DHX34: variants seen among roughly 807,000 people sequenced by gnomAD.
The protein encoded by DHX34 is DExH-box helicase 34.
DHX34 carries 96 observed loss-of-function variants against 111.1 expected under a neutral mutation model. The observed-to-expected ratio is 0.86, with a 90% CI of 0.73 to 1.02. The LOEUF (loss-of-function observed/expected upper bound fraction) is 1.02. DHX34 is among the 50% of genes least tolerant of loss of function. DHX34 has a pLI of 0.00. For synonymous variants in DHX34, 688 were observed against 670.4 expected, an observed-to-expected ratio of 1.03 and a Z score of -0.41; for missense variants, 1,560 against 1,579.9, an observed-to-expected ratio of 0.99 and a Z score of 0.21.
rs187504350 is a variant in DHX34 at position 47,377,189 on chromosome 19, C to G, written c.2689C>G (p.Arg897Gly). The G allele has an allele frequency of 6.2e-7, 1 of 1,613,580 alleles. No individual in the cohort carries two copies. Among genetic ancestry groups the G allele is most frequent in the East Asian group, 2.2e-5 (1 of 44,844 alleles). ...CAAGCCGTACCTGGTGAACTGCGTC[C>G]GCATCCCTGCCCTCCAGGTGGGCCT... is the stretch of plus-strand genomic sequence containing the variant. ...TNKPYLVNCV[R>G]IPALQSLLLF... The change falls in exon 13 of 17, where the codon CGC becomes GGC. Residue 897 changes from arginine (R) to glycine (G), a missense_variant. Coordinates refer to ENST00000328771, the MANE Select transcript of DHX34 (RefSeq NM_014681.6).
At chr19:47,357,844 A>G in intron 3 of DHX34, 22 bp from the exon 4 acceptor site, 1 of 1,604,034 alleles carries the variant, frequency 6.2e-7, no homozygotes, top group Non-Finnish European at 8.5e-7. Flanking sequence ...GTGTGCTTCT[A>G]CCTGGGGCTG....
intron 5 of DHX34, among the ~76,000 whole-genome samples, chr19:47,361,710 C>T (rs1194096388): frequency 6.6e-6 from 1 of 151,416 alleles, no homozygotes; most frequent in Non-Finnish European, 1.5e-5. Context: ...ACTCAGGAGG[C>T]AGAGTGAGCC....
Position 47,353,817 on chromosome 19 carries a change from A to G in DHX34, c.705+82A>G. On this transcript the variant is annotated intron_variant, in intron 2 of 16. Coordinates refer to ENST00000328771, the MANE Select transcript of DHX34 (RefSeq NM_014681.6). This position sits in a 1 kb window ranked among gnomAD's most constrained non-coding sequence, Gnocchi z 4.6. ...TGCTTGTCCATATGGCAGTATCAATAAAAATGAAGCACTTACCCTTGGACC... is the reference window on the plus strand; with the variant it reads ...TGCTTGTCCATATGGCAGTATCAATGAAAATGAAGCACTTACCCTTGGACC... 1.5e-6 allele frequency: 2 copies of G among 1,295,242 alleles called. No homozygotes were observed. Among genetic ancestry groups the G allele is most frequent in the South Asian group, 1.5e-5 (1 of 64,850 alleles). The allele number at this position is 1,295,242 out of a possible 1,614,324, so 80.2% of individuals were successfully genotyped here.
intron 7 of DHX34, among the ~76,000 whole-genome samples, chr19:47,370,691 T>G (rs1969937960): frequency 6.6e-6 from 1 of 152,080 alleles, no homozygotes; most frequent in South Asian, 2.1e-4. Flanking sequence ...TATTTATTTA[T>G]TTAGAGATGG....
chr19:47,376,925 G>C, intron 12 of DHX34, 175 bp from the exon 13 acceptor site: 1 of 1,536,596 alleles, frequency 6.5e-7, no homozygotes, highest in Non-Finnish European at 8.7e-7. Context: ...GCATGGCTGC[G>C]TGCTGGGAGT....
At position 47,379,401 on chromosome 19, in the gene DHX34, C is replaced by T. The variant is rs114973868; in HGVS notation, c.2707-309C>T. On this transcript the variant is annotated intron_variant, in intron 13 of 16. Coordinates refer to ENST00000328771, the MANE Select transcript of DHX34 (RefSeq NM_014681.6). ...GCTCAGGGTCTGGGCTCTCCCTGCA[C>T]GTCGTGTGTGTCTGAGTGCCTGCTG... Among the ~76,000 whole-genome samples, 473 of 152,284 alleles carry T rather than the reference C, an allele frequency of 3.1e-3. 4 individuals are homozygous for T. Among genetic ancestry groups the T allele is most frequent in the African/African-American group, 0.011 (450 of 41,556 alleles).
intron 7 of DHX34, among the ~76,000 whole-genome samples, chr19:47,368,679 T>C (rs1190823989): frequency 1.3e-5 from 2 of 149,774 alleles, no homozygotes; most frequent in South Asian, 2.1e-4. Flanking sequence ...CACATATATA[T>C]ACATACACAC....
At chr19:47,368,476 T>A (rs893901365) in intron 7 of DHX34, among the ~76,000 whole-genome samples, 1 of 149,922 alleles carries the variant, frequency 6.7e-6, no homozygotes, top group Non-Finnish European at 1.5e-5. Context: ...CCGGCTAATT[T>A]TGTATTTTTA....
chr19:47,360,601 A>G lies in DHX34; in HGVS notation c.1375+531A>G, dbSNP rs142702203. Among the ~76,000 whole-genome samples, 1,192 of 151,544 alleles carry G rather than the reference A, an allele frequency of 7.9e-3. 23 individuals carry two copies. Among genetic ancestry groups the G allele is most frequent in the African/African-American group, 0.027 (1,121 of 41,254 alleles). ...CCCGTCAGAGAGGCCCATACTGTCC[A>G]CTCTGTCTAAGAGATATCCCCTCCT... is the stretch of plus-strand genomic sequence containing the variant. On this transcript the variant is annotated intron_variant, in intron 5 of 16. Coordinates refer to ENST00000328771, the MANE Select transcript of DHX34 (RefSeq NM_014681.6).
At chr19:47,360,171 G>C in intron 5 of DHX34, 101 bp downstream of exon 5, 1 of 1,120,104 alleles carries the variant, frequency 8.9e-7, no homozygotes, top group Non-Finnish European at 1.3e-6. Context: ...CTTGGATTGG[G>C]AAGTACAGTT....
rs1291186088 is a variant in DHX34, at chr19:47,358,127, C to G, written c.1272+7C>G. The G allele has an allele frequency of 6.3e-7, 1 of 1,599,198 alleles. No individual in the cohort carries two copies. Among genetic ancestry groups the G allele is most frequent in the East Asian group, 2.3e-5 (1 of 44,440 alleles). ...TGTGGCCGACCAGGACAAGGTATCA[C>G]AGGAAGCCCGAGTGGGGCAGGCGGG... On this transcript the variant is annotated splice_region_variant and intron_variant, in intron 4 of 16. Transcript: ENST00000328771.
chr19:47,360,817 A>G (rs961645076), intron 5 of DHX34, among the ~76,000 whole-genome samples: 12 of 151,928 alleles, frequency 7.9e-5, no homozygotes, highest in Middle Eastern at 3.2e-3. Flanking sequence ...GATTACAGAC[A>G]TGCATCACCA....
chr19:47,368,780 C>A (rs554792104), intron 7 of DHX34, among the ~76,000 whole-genome samples: 2 of 151,976 alleles, frequency 1.3e-5, no homozygotes, highest in African/African-American at 4.8e-5. Context: ...GTGGTGCAAT[C>A]CCAGCTCATT....
chr19:47,352,605 G>A (rs1334158311), intron 1 of DHX34, 149 bp from the exon 2 acceptor site: 1 of 170,244 alleles, frequency 5.9e-6, no homozygotes, highest in South Asian at 1.3e-4. Flanking sequence ...AGTCCAGGAG[G>A]TCGAGGCTGT....
At chr19:47,375,303 C>T (rs1410399618) in intron 9 of DHX34, 163 bp from the exon 10 acceptor site, 1 of 985,310 alleles carries the variant, frequency 1.0e-6, no homozygotes, top group Non-Finnish European at 1.2e-6. Context: ...GCGAGGACAG[C>T]TCTCTCTCTG....
intron 3 of DHX34, among the ~76,000 whole-genome samples, chr19:47,356,944 A>G (rs530497879): frequency 1.3e-5 from 2 of 152,274 alleles, no homozygotes; most frequent in Admixed American, 6.5e-5. Context: ...CTGTCTCAAA[A>G]AGAATGAGGC....
rs1208338995 is a variant in DHX34 at position 47,355,241 on chromosome 19, C to T, written c.908C>T (p.Pro303Leu). ...GVLQRLLPTR[P>L]DLKVILMSAT... ...CTCCAGCGCCTGTTGCCCACGCGGCCTGACCTCAAGGTCATCCTCATGTCG... is the reference window on the plus strand; with the variant it reads ...CTCCAGCGCCTGTTGCCCACGCGGCTTGACCTCAAGGTCATCCTCATGTCG... The change falls in exon 3 of 17, where the codon CCT becomes CTT. Residue 303 changes from proline (P) to leucine (L), a missense_variant. Transcript: ENST00000328771. 15 of 1,614,102 alleles carry T rather than the reference C, an allele frequency of 9.3e-6. No individual in the cohort carries two copies. The highest frequency in any genetic ancestry group is 5.0e-5 in the Admixed American group (3 of 60,000).
chr19:47,372,634 A>G (rs1016053067), intron 7 of DHX34, 96 bp from the exon 8 acceptor site: 62 of 1,452,934 alleles, frequency 4.3e-5, no homozygotes, highest in Non-Finnish European at 5.4e-5. Context: ...GGGTGGGAGC[A>G]GGAGGGCAGG....
chr19:47,355,723 G>C (rs896655172), intron 3 of DHX34, among the ~76,000 whole-genome samples: 3 of 152,040 alleles, frequency 2.0e-5, no homozygotes, highest in Non-Finnish European at 4.4e-5. Context: ...ATGGTGGTGG[G>C]TGCCTGTAGT....
Sources: gnomAD v4.1 joint callset for allele counts (sites outside exome capture counted in the v4.1 genomes callset) on GRCh38, gnomAD v4.1.1 for gene constraint, Gnocchi (gnomAD v3.1) non-coding constraint, MANE v1.5 for transcripts, NCBI Gene and HGNC (gene_info 2026-07-23, HGNC 2026-07-21) for gene names.